The following TRPM2 variants were observed in gnomAD, a reference collection of about 807,000 sequenced individuals.
TRPM2 encodes transient receptor potential cation channel subfamily M member 2.
Under a neutral mutation model 174.0 loss-of-function variants are expected in TRPM2, and 161 were observed. That is an observed-to-expected ratio of 0.93 (90% CI 0.81 to 1.05). TRPM2 has a LOEUF of 1.05. Among genes scored for constraint, TRPM2 ranks in the 50% least tolerant of loss-of-function variants. The probability of loss-of-function intolerance (pLI) is 0.00; values close to 1 mark genes in which losing one functional copy is unlikely to be tolerated. For synonymous variants in TRPM2, 954 were observed against 861.3 expected (o/e 1.11, Z -1.88); for missense variants, 2,057 against 2,038.0 (o/e 1.01, Z -0.18).
rs776845398 is a variant in TRPM2, at chr21:44,391,340, C to T, written c.1509C>T (p.Phe503=). The T allele has an allele frequency of 3.1e-6, 5 of 1,614,026 alleles. No individual in the cohort carries two copies. Among genetic ancestry groups the T allele is most frequent in the Non-Finnish European group, 3.4e-6 (4 of 1,180,036 alleles). Residue 503 remains phenylalanine (F), a synonymous_variant, in exon 11 of 32, where the codon TTC becomes TTT. Transcript: ENST00000397928. This position sits in a 1 kb window ranked among gnomAD's most constrained non-coding sequence, Gnocchi z 5.0. ...ISNKPEFVKL[F]LENGVQLKEF... is the part of the protein sequence containing the mutation. The stretch of plus-strand genomic sequence containing the variant: ...ACAAGCCTGAGTTTGTGAAGCTCTT[C>T]CTGGAGAACGGGGTGCAGCTGAAGG...
chr21:44,406,872 C>G, intron 19 of TRPM2, 107 bp downstream of exon 19: 1 of 1,388,184 alleles, frequency 7.2e-7, no homozygotes, highest in Non-Finnish European at 9.7e-7. Context: ...TCAGGGGGTC[C>G]TGCGGTTCCC....
rs577938200 is a variant in TRPM2, at chr21:44,380,335, C to T, written c.1215+1138C>T. Among the ~76,000 whole-genome samples the T allele has an allele frequency of 6.6e-5, 10 of 152,298 alleles. No homozygotes were observed. In the East Asian group the frequency reaches 1.4e-3, roughly 21 times the overall value. On this transcript the variant is annotated intron_variant, in intron 8 of 31. Transcript: ENST00000397928. Reference sequence around the variant, plus strand: ...ATCAGTTTGTGAAAACATCGTGGTCCGGCTGTGAGCGGCCGCTCAGCTCCC... The same window carrying T: ...ATCAGTTTGTGAAAACATCGTGGTCTGGCTGTGAGCGGCCGCTCAGCTCCC...
Position 44,435,153 on chromosome 21 carries a change from C to T in TRPM2, c.3997C>T (p.Leu1333=). Residue 1333 remains leucine, a synonymous_variant, in exon 28 of 32, where the codon CTG becomes TTG. Coordinates refer to ENST00000397928, the MANE Select transcript of TRPM2 (RefSeq NM_003307.4). ...LPLNPMGRTG[L]RGRGSLSCFG... ...CAGGAACCCCATGGGCCGCACAGGA[C>T]TGCGTGGGCGCGGGAGCCTCAGCTG... The T allele has an allele frequency of 6.2e-7, 1 of 1,613,454 alleles. No individual in the cohort carries two copies. Among genetic ancestry groups the T allele is most frequent in the South Asian group, 1.1e-5 (1 of 91,078 alleles).
intron 9 of TRPM2, among the ~76,000 whole-genome samples, chr21:44,383,036 G>A (rs979362158): frequency 6.6e-6 from 1 of 152,208 alleles, no homozygotes. Context: ...ACTGGAATCC[G>A]AGTGCAGCCT....
rs964211004 is a variant in TRPM2, at chr21:44,367,670, A to G, written c.604+736A>G. On this transcript the variant is annotated intron_variant, in intron 4 of 31. Coordinates refer to ENST00000397928, the MANE Select transcript of TRPM2 (RefSeq NM_003307.4). This position sits in a 1 kb window ranked among gnomAD's most constrained non-coding sequence, Gnocchi z 4.6. ...GAGGCCCTGAGGTGACTACTTGGCAATGTTGCGTCCGGATGGGCCTAGAGT... is the reference window on the plus strand; with the variant it reads ...GAGGCCCTGAGGTGACTACTTGGCAGTGTTGCGTCCGGATGGGCCTAGAGT... 3.3e-5 allele frequency among the ~76,000 whole-genome samples: 5 copies of G among 152,118 alleles called. No individual in the cohort carries two copies. The highest frequency in any genetic ancestry group is 1.2e-4 in the African/African-American group (5 of 41,428).
At chr21:44,433,054 G>A in intron 27 of TRPM2, among the ~76,000 whole-genome samples, 1 of 152,174 alleles carries the variant, frequency 6.6e-6, no homozygotes, top group East Asian at 1.9e-4. Flanking sequence ...GCTGCGGTGG[G>A]AGGAGGGCAG....
At chr21:44,372,209 A>G (rs1308029941) in intron 5 of TRPM2, among the ~76,000 whole-genome samples, 2 of 152,054 alleles carry the variant, frequency 1.3e-5, no homozygotes, top group Non-Finnish European at 2.9e-5. Flanking sequence ...TCTCATGTAA[A>G]TATCATAAGC....
Position 44,432,735 on chromosome 21 carries a change from C to A in TRPM2, c.3975-2396C>A, listed in dbSNP as rs568897475. Among the ~76,000 whole-genome samples the A allele has an allele frequency of 1.7e-4, 26 of 152,328 alleles. 1 individual carries two copies. Among genetic ancestry groups the A allele is most frequent in the Non-Finnish European group, 2.8e-4 (19 of 68,038 alleles). On this transcript the variant is annotated intron_variant, in intron 27 of 31. Coordinates refer to ENST00000397928, the MANE Select transcript of TRPM2 (RefSeq NM_003307.4). This position sits in a 1 kb window ranked among gnomAD's most constrained non-coding sequence, Gnocchi z 4.9. ...CCCTCTTTCTGAGATGGATTGAGGT[C>A]AGGTCAGCAAAGATTCTGCCTTGTT... is the stretch of plus-strand genomic sequence containing the variant.
chr21:44,418,763 G>C (rs377092038), intron 22 of TRPM2, among the ~76,000 whole-genome samples: 42 of 152,300 alleles, frequency 2.8e-4, no homozygotes, highest in African/African-American at 9.4e-4. Context: ...CCTTAGGAAG[G>C]CTGGGCCCCA....
intron 15 of TRPM2, 25 bp from the exon 16 acceptor site, chr21:44,401,656 C>T (rs1290745524): frequency 9.3e-6 from 15 of 1,609,070 alleles, no homozygotes; most frequent in South Asian, 2.2e-5. Flanking sequence ...TGGTCACTGT[C>T]TCCTCTCTGC....
At position 44,401,773 on chromosome 21, in the gene TRPM2, C is replaced by T. The variant is rs756922937; in HGVS notation, c.2414C>T (p.Ser805Phe). The change falls in exon 16 of 32, where the codon TCC (serine) becomes TTC (phenylalanine). Residue 805 changes from serine to phenylalanine, a missense_variant. Physicochemically the swap from Ser to Phe is radical, Grantham distance 155 (BLOSUM62 -2). Transcript: ENST00000397928. ...PVVVFHLNILSYFAFLCLFAY... is the reference protein window; with the variant it reads ...PVVVFHLNILFYFAFLCLFAY... ...GTGGTCTTCCACCTGAACATCCTCTCCTACTTCGCCTTCCTCTGCCTGTTC... is the reference window on the plus strand; with the variant it reads ...GTGGTCTTCCACCTGAACATCCTCTTCTACTTCGCCTTCCTCTGCCTGTTC... 1 of 1,613,736 alleles carries T rather than the reference C, an allele frequency of 6.2e-7. No homozygotes were observed.
rs367841933 is a variant in TRPM2, at chr21:44,354,645, C to A, written c.166-3C>A. 8.1e-6 allele frequency: 13 copies of A among 1,613,816 alleles called. 1 individual carries two copies. In the African/African-American group the frequency reaches 1.2e-4, roughly 15 times the overall value. On this transcript the variant is annotated splice_region_variant and splice_polypyrimidine_tract_variant and intron_variant, in intron 1 of 31. Transcript: ENST00000397928. This position sits in a 1 kb window ranked among gnomAD's most constrained non-coding sequence, Gnocchi z 4.3. The stretch of plus-strand genomic sequence containing the variant: ...GATCTCAGTGTGCTGTCTTTACCTT[C>A]AGCAAGAAAGCCTCAGTTCGTGGAT...
At chr21:44,382,695 C>T in intron 8 of TRPM2, 23 bp from the exon 9 acceptor site, 1 of 1,611,056 alleles carries the variant, frequency 6.2e-7, no homozygotes, top group Non-Finnish European at 8.5e-7. Context: ...CTGTGTGTCT[C>T]ACTTAGAAAA....
Position 44,401,848 on chromosome 21 carries a change from G to A in TRPM2, c.2489G>A (p.Cys830Tyr). 2 of 1,613,914 alleles carry A rather than the reference G, an allele frequency of 1.2e-6. No individual in the cohort carries two copies. The highest frequency in any genetic ancestry group is 1.7e-6 in the Non-Finnish European group (2 of 1,180,008). The change falls in exon 16 of 32, where the codon TGT (cysteine) becomes TAT (tyrosine). Residue 830 changes from cysteine to tyrosine, a missense_variant. Transcript: ENST00000397928. ...CAGCCTGTGCCCTCCTGGTGCGAGT[G>A]TGCCATCTACCTCTGGCTCTTCTCC... ...DFQPVPSWCE[C>Y]AIYLWLFSLV...
intron 11 of TRPM2, among the ~76,000 whole-genome samples, chr21:44,395,116 A>G (rs2049300542): frequency 6.6e-6 from 1 of 152,254 alleles, no homozygotes; most frequent in Non-Finnish European, 1.5e-5. Flanking sequence ...CTTTGATGCC[A>G]TCAGATAAGA....
intron 23 of TRPM2, 65 bp from the exon 24 acceptor site, chr21:44,424,787 C>T: frequency 9.3e-7 from 1 of 1,077,944 alleles, no homozygotes; most frequent in Non-Finnish European, 1.3e-6. Context: ...TCTCGGTGGG[C>T]AGTGGGGTGT....
chr21:44,353,313 G>C (rs1272652073), upstream of TRPM2: 2 of 162,564 alleles, frequency 1.2e-5, no homozygotes, highest in Non-Finnish European at 2.5e-5. Flanking sequence ...TGGCGGTGGA[G>C]ACTTCCCTGT....
At chr21:44,387,844 T>C (rs999695588) in intron 9 of TRPM2, among the ~76,000 whole-genome samples, 1 of 152,168 alleles carries the variant, frequency 6.6e-6, no homozygotes, top group African/African-American at 2.4e-5. Context: ...CTAAGAGATA[T>C]CATTTCAAAC....
Position 44,440,919 on chromosome 21 carries a change from C to T in TRPM2, c.4386+14C>T. The T allele has an allele frequency of 1.9e-6, 3 of 1,611,860 alleles. No homozygotes were observed. Among genetic ancestry groups the T allele is most frequent in the Non-Finnish European group, 2.5e-6 (3 of 1,178,510 alleles). ...AGGCTGAACTCTGTATGTGCCTGGC[C>T]TCCCTGGAGGCGGGAGTGGGGAGGC... is the stretch of plus-strand genomic sequence containing the variant. On this transcript the variant is annotated intron_variant, in intron 31 of 31. Transcript: ENST00000397928.
Sources: gnomAD v4.1 joint callset for allele counts (sites outside exome capture counted in the v4.1 genomes callset) on GRCh38, gnomAD v4.1.1 for gene constraint, Gnocchi (gnomAD v3.1) non-coding constraint, MANE v1.5 for transcripts, NCBI Gene and HGNC (gene_info 2026-07-23, HGNC 2026-07-21) for gene names.